Variants in PTCH1 observed in about 807,000 individuals in gnomAD.
The protein encoded by PTCH1 is protein patched homolog 1.
Under a neutral mutation model 144.6 loss-of-function variants are expected in PTCH1, and 14 were observed. The observed-to-expected ratio is 0.10, with a 90% CI of 0.06 to 0.15. The LOEUF is 0.15. Ranked by LOEUF, PTCH1 falls within the 10% of genes least tolerant of loss-of-function variation. The pLI is 1.00. For missense variants in PTCH1, 1,623 were observed against 1,948.3 expected (o/e 0.83, Z 3.14); for synonymous variants, 833 against 793.6 (o/e 1.05, Z -0.83).
intron 1 of PTCH1, 22 bp from the exon 2 acceptor site, chr9:95,506,621 G>A (rs1348289878): frequency 1.3e-6 from 2 of 1,581,130 alleles, no homozygotes; most frequent in Admixed American, 3.5e-5. Context: ...GCAGAAGGGA[G>A]GAGTGAGCGC....
intron 2 of PTCH1, among the ~76,000 whole-genome samples, chr9:95,489,200 C>G (rs1449052996): frequency 6.6e-6 from 1 of 152,228 alleles, no homozygotes; most frequent in Non-Finnish European, 1.5e-5. Flanking sequence ...TATCCTAAAT[C>G]ACTGCTGAAT....
intron 2 of PTCH1, among the ~76,000 whole-genome samples, chr9:95,491,091 AC>A (rs1564069666): frequency 1.3e-5 from 2 of 152,178 alleles, no homozygotes; most frequent in Non-Finnish European, 2.9e-5. Flanking sequence ...TAAAATAACA[AC>A]CCCTCTGAAC....
intron 2 of PTCH1, 126 bp from the exon 3 acceptor site, chr9:95,486,000 G>T: frequency 9.7e-7 from 1 of 1,028,186 alleles, no homozygotes; most frequent in Non-Finnish European, 1.5e-6. Context: ...TGGCTGATGT[G>T]TGAGCAGTAA....
chr9:95,492,340 G>A (rs1842471446), intron 2 of PTCH1, among the ~76,000 whole-genome samples: 1 of 152,112 alleles, frequency 6.6e-6, no homozygotes, highest in Non-Finnish European at 1.5e-5. Flanking sequence ...AAGTACGTAG[G>A]TGTGAATTAG....
At chr9:95,502,494 G>A (rs1843214018) in intron 2 of PTCH1, among the ~76,000 whole-genome samples, 1 of 152,186 alleles carries the variant, frequency 6.6e-6, no homozygotes, top group Non-Finnish European at 1.5e-5. Context: ...ATGTGTTTCT[G>A]CAACAGCAGA....
intron 2 of PTCH1, chr9:95,494,268 G>C: frequency 1.0e-6 from 1 of 985,446 alleles, no homozygotes; most frequent in Non-Finnish European, 1.2e-6. Flanking sequence ...AGACCTGCTC[G>C]CCCTGTCAGA....
At position 95,508,329 on chromosome 9, in the gene PTCH1, C is replaced by T. The variant is rs1320203029; in HGVS notation, c.33G>A (p.Gln11=). The T allele has an allele frequency of 7.7e-7, 1 of 1,292,748 alleles. No homozygotes were observed. The highest frequency in any genetic ancestry group is 3.2e-5 in the East Asian group (1 of 31,384). 80.1% of individuals were successfully genotyped at this position (1,292,748 alleles called of 1,614,324 possible). A position where few individuals can be genotyped will look rare whatever the true frequency, so the allele number is the denominator to read the frequency against. ...AGCCGCTGCCGCCGCCGCCGCGGTC[C>T]TGGGGCTCGGCGGCGTTACCAGCCG... is the stretch of plus-strand genomic sequence containing the variant. MASAGNAAEP[Q]DRGGGGSGCI... is the part of the protein sequence containing the mutation. The change falls in exon 1 of 24, where the codon CAG becomes CAA. Residue 11 remains glutamine, a synonymous_variant. Coordinates refer to ENST00000331920, the MANE Select transcript of PTCH1 (RefSeq NM_000264.5).
At chr9:95,492,047 T>C (rs572633010) in intron 2 of PTCH1, among the ~76,000 whole-genome samples, 4 of 152,330 alleles carry the variant, frequency 2.6e-5, no homozygotes, top group African/African-American at 9.6e-5. Flanking sequence ...CCGGTGATGC[T>C]GGAGGAAACA....
chr9:95,457,357 T>C (rs926903654), intron 18 of PTCH1, among the ~76,000 whole-genome samples: 4 of 152,234 alleles, frequency 2.6e-5, no homozygotes, highest in Non-Finnish European at 1.5e-5. Flanking sequence ...ATGTACCTGC[T>C]GCACAGACTC....
chr9:95,446,977 C>T lies in PTCH1; in HGVS notation c.4279G>A (p.Val1427Met), dbSNP rs752919871. The change falls in exon 23 of 24, where the codon GTG (valine) becomes ATG (methionine). Residue 1427 changes from valine to methionine, a missense_variant. Physicochemically the swap from Val to Met is conservative, Grantham distance 21. This residue lies in a region of PTCH1 where 291 missense variants were observed against 287.4 expected (regional missense o/e 1.01). Coordinates refer to ENST00000331920, the MANE Select transcript of PTCH1 (RefSeq NM_000264.5). ...ACGTCCTGCAGCTCAATGACTTCCA[C>T]CTTCGAATCCCTCCTCTCACACCGG... ...HVRCERRDSK[V>M]EVIELQDVEC... The T allele has an allele frequency of 1.2e-6, 2 of 1,614,210 alleles. No homozygotes were observed. The highest frequency in any genetic ancestry group is 1.6e-4 in the Middle Eastern group (1 of 6,062).
exon 1 of PTCH1, chr9:95,516,832 T>A: frequency 6.3e-7 from 1 of 1,592,192 alleles, no homozygotes; most frequent in Non-Finnish European, 8.5e-7. Flanking sequence ...GCCCTCGGCG[T>A]GGGTGGTCTG....
intron 15 of PTCH1, among the ~76,000 whole-genome samples, chr9:95,462,402 C>T (rs1002190676): frequency 6.6e-6 from 1 of 152,154 alleles, no homozygotes; most frequent in Non-Finnish European, 1.5e-5. Context: ...AGAAATTCCA[C>T]ACAGAGGGGA....
chr9:95,507,053 G>A lies in PTCH1; in HGVS notation c.202-454C>T, dbSNP rs577453117. ...TCGGGGACGGGCGCTAGGGGCGAGC[G>A]CTCTTTGGAACAACATATTGCGGGT... On this transcript the variant is annotated intron_variant, in intron 1 of 23. Transcript: ENST00000331920. 4 of 987,508 alleles carry A rather than the reference G, an allele frequency of 4.1e-6. No homozygotes were observed. The South Asian group carries it at 1.4e-4, about 35-fold the overall frequency. 61.2% of individuals were successfully genotyped at this position (987,508 alleles called of 1,614,324 possible).
intron 22 of PTCH1, among the ~76,000 whole-genome samples, chr9:95,448,493 C>T (rs902921348): frequency 1.3e-5 from 2 of 152,208 alleles, no homozygotes; most frequent in Admixed American, 1.3e-4. Flanking sequence ...TCCTGAATCA[C>T]TGAAGGCTAA....
chr9:95,496,056 G>C (rs1017569337), intron 2 of PTCH1, among the ~76,000 whole-genome samples: 1 of 152,182 alleles, frequency 6.6e-6, no homozygotes, highest in Non-Finnish European at 1.5e-5. Context: ...TCACCAACAA[G>C]AGAAAAGGAG....
At position 95,467,162 on chromosome 9, in the gene PTCH1, T is replaced by C. The variant is rs149134846; in HGVS notation, c.2514A>G (p.Lys838=). Residue 838 remains lysine, a synonymous_variant, in exon 15 of 24, where the codon AAA becomes AAG. Transcript: ENST00000331920. The part of the protein sequence containing the change: ...NVKYVMLEEN[K]QLPKMWLHYF... ...AGTGCAGCCACATTTTGGGAAGCTG[T>C]TTGTTTTCTTCCAACATGACATACT... is the stretch of plus-strand genomic sequence containing the variant. 6.2e-7 allele frequency: 1 copy of C among 1,614,220 alleles called. No individual in the cohort carries two copies. The highest frequency in any genetic ancestry group is 1.3e-5 in the African/African-American group (1 of 75,044).
In PTCH1 at chr9:95,459,784, C is replaced by T. The variant is rs1839301103; in HGVS notation, c.2704-1G>A. 1 of 1,613,966 alleles carries T rather than the reference C, an allele frequency of 6.2e-7. No homozygotes were observed. The highest frequency in any genetic ancestry group is 8.5e-7 in the Non-Finnish European group (1 of 1,180,038). ...CATCCACCAGACGCTGTTTAGTCAA[C>T]TACAAAAACGGGAAGAACAGAGGCC... On this transcript the variant is annotated splice_acceptor_variant, in intron 16 of 23. Coordinates refer to ENST00000331920, the MANE Select transcript of PTCH1 (RefSeq NM_000264.5). LOFTEE classifies it high-confidence loss of function.
At chr9:95,505,107 C>T (rs1478889427) in intron 2 of PTCH1, among the ~76,000 whole-genome samples, 3 of 152,144 alleles carry the variant, frequency 2.0e-5, no homozygotes, top group East Asian at 3.9e-4. Context: ...TTTTAATTGT[C>T]ACTTCTCAAC....
rs147633236 is a variant in PTCH1, at chr9:95,449,911, G to C, written c.3479C>G (p.Thr1160Ser). 7 of 1,614,172 alleles carry C rather than the reference G, an allele frequency of 4.3e-6. No homozygotes were observed. The highest frequency in any genetic ancestry group is 1.7e-5 in the Admixed American group (1 of 60,022). Residue 1160 changes from threonine to serine, a missense_variant, in exon 21 of 24, where the codon ACC (threonine) becomes AGC (serine). Coordinates refer to ENST00000331920, the MANE Select transcript of PTCH1 (RefSeq NM_000264.5). This position sits in a 1 kb window ranked among gnomAD's most constrained non-coding sequence, Gnocchi z 5.3. Reference protein sequence around the residue: ...RYFFAVLAILTILGVLNGLVL... With the variant: ...RYFFAVLAILSILGVLNGLVL... Reference sequence around the variant, plus strand: ...CAGCCCATTGAGAACGCCGAGGATGGTGAGGATCGCCAGCACAGCAAAGAA... The same window carrying C: ...CAGCCCATTGAGAACGCCGAGGATGCTGAGGATCGCCAGCACAGCAAAGAA...
Sources: allele counts gnomAD v4.1 joint callset (sites outside exome capture counted in the v4.1 genomes callset), GRCh38; gene constraint gnomAD v4.1.1; regional missense constraint gnomAD v4.1.1; non-coding constraint Gnocchi (gnomAD v3.1); transcripts MANE v1.5; gene names NCBI Gene and HGNC (gene_info 2026-07-23, HGNC 2026-07-21).